Variants in MYO5B observed in about 807,000 individuals in gnomAD.
MYO5B encodes the protein myosin VB.
In MYO5B, 143 loss-of-function variants were observed where a neutral mutation model predicts 229.3. The observed-to-expected ratio is 0.62, with a 90% confidence interval of 0.54 to 0.72. The LOEUF is 0.72. Ranked by LOEUF, MYO5B falls within the 30% of genes least tolerant of loss-of-function variation. The pLI, the probability that MYO5B is intolerant of heterozygous loss-of-function variation, is 0.00. For missense variants in MYO5B, 2,321 were observed against 2,331.0 expected, an observed-to-expected ratio of 1.00 and a Z score of 0.09; for synonymous variants, 918 against 885.2, an observed-to-expected ratio of 1.04 and a Z score of -0.66.
At chr18:49,853,172 G>A (rs1335501327) in intron 31 of MYO5B, among the ~76,000 whole-genome samples, 2 of 152,228 alleles carry the variant, frequency 1.3e-5, no homozygotes, top group African/African-American at 4.8e-5. Context: ...CCTCTTGGAA[G>A]CCAGCAGCCA....
At chr18:50,154,934 G>C (rs909585781) in intron 1 of MYO5B, among the ~76,000 whole-genome samples, 1 of 152,162 alleles carries the variant, frequency 6.6e-6, no homozygotes, top group Non-Finnish European at 1.5e-5. Context: ...ACTCAAAAAA[G>C]TCTGTTTGCC....
intron 4 of MYO5B, among the ~76,000 whole-genome samples, chr18:50,024,801 A>T (rs1200228600): frequency 6.6e-6 from 1 of 152,184 alleles, no homozygotes; most frequent in Non-Finnish European, 1.5e-5. Context: ...CTTCCCGAGT[A>T]TCTGCTGTGG....
intron 22 of MYO5B, among the ~76,000 whole-genome samples, chr18:49,883,281 T>G (rs1598855250): frequency 6.6e-6 from 1 of 152,310 alleles, no homozygotes; most frequent in Admixed American, 6.5e-5. Context: ...TAAAAACTAT[T>G]AGAATAAATG....
intron 1 of MYO5B, among the ~76,000 whole-genome samples, chr18:50,132,728 G>A (rs1208724852): frequency 1.3e-5 from 2 of 152,190 alleles, no homozygotes; most frequent in Non-Finnish European, 2.9e-5. Context: ...GAGAAAATTC[G>A]CATGGGTTGA....
chr18:50,021,368 A>G (rs1246507214), intron 4 of MYO5B, among the ~76,000 whole-genome samples: 5 of 152,136 alleles, frequency 3.3e-5, no homozygotes, highest in Non-Finnish European at 4.4e-5. Context: ...GAGGCGGGAG[A>G]ACCAGGTTCC....
intron 39 of MYO5B, among the ~76,000 whole-genome samples, chr18:49,826,919 G>A (rs1483096793): frequency 6.6e-6 from 1 of 151,618 alleles, no homozygotes; most frequent in Non-Finnish European, 1.5e-5. Context: ...ACCATATGGA[G>A]AGGCACTATA....
At chr18:50,007,573 C>T (rs1458947426) in intron 4 of MYO5B, among the ~76,000 whole-genome samples, 1 of 152,184 alleles carries the variant, frequency 6.6e-6, no homozygotes, top group African/African-American at 2.4e-5. Context: ...CCCTGGGGGA[C>T]CGAGCACCTC....
At chr18:49,990,066 G>A (rs969164404) in intron 7 of MYO5B, among the ~76,000 whole-genome samples, 1 of 152,120 alleles carries the variant, frequency 6.6e-6, no homozygotes, top group Non-Finnish European at 1.5e-5. Context: ...AAAACATGCT[G>A]GTTATGATTA....
At chr18:49,946,734 C>A (rs3132916) in intron 14 of MYO5B, among the ~76,000 whole-genome samples, 39,372 of 152,264 alleles carry the variant, frequency 0.26, 5,645 homozygotes, top group Middle Eastern at 0.37. Context: ...CTAGGTTTTC[C>A]TTTAAGTTCC....
intron 1 of MYO5B, among the ~76,000 whole-genome samples, chr18:50,079,522 G>A (rs537915487): frequency 1.1e-4 from 17 of 152,284 alleles, no homozygotes; most frequent in African/African-American, 3.6e-4. Context: ...CTCCCCCCTT[G>A]AGGCAGAGCC....
At chr18:49,939,574 G>A (rs778817909) in intron 14 of MYO5B, among the ~76,000 whole-genome samples, 1 of 152,176 alleles carries the variant, frequency 6.6e-6, no homozygotes, top group African/African-American at 2.4e-5. Context: ...CATGTGGCAG[G>A]TGAGGATGTA....
intron 1 of MYO5B, among the ~76,000 whole-genome samples, chr18:50,101,646 A>G (rs1488379229): frequency 6.6e-6 from 1 of 152,226 alleles, no homozygotes; most frequent in Non-Finnish European, 1.5e-5. Flanking sequence ...AAAAAGGCTC[A>G]ACATCACGGA....
At chr18:50,035,446 T>C (rs1211121454) in intron 4 of MYO5B, among the ~76,000 whole-genome samples, 2 of 151,744 alleles carry the variant, frequency 1.3e-5, no homozygotes, top group Non-Finnish European at 2.9e-5. Context: ...TCACATGAAG[T>C]GCATGTAGAC....
chr18:49,837,476 G>A (rs2024001466), intron 37 of MYO5B, 41 bp downstream of exon 37: 1 of 1,610,102 alleles, frequency 6.2e-7, no homozygotes, highest in Non-Finnish European at 8.5e-7. Flanking sequence ...GTCAGTGAGG[G>A]CCCACTCTAT....
intron 17 of MYO5B, among the ~76,000 whole-genome samples, chr18:49,926,968 C>T (rs72644904): frequency 0.12 from 18,534 of 152,072 alleles, 1,372 homozygotes; most frequent in East Asian, 0.27. Flanking sequence ...CCTGGGATCA[C>T]CAGATTTACA....
chr18:49,965,485 C>CACACACACA (rs1265061476), intron 10 of MYO5B, among the ~76,000 whole-genome samples: 1 of 72,594 alleles, frequency 1.4e-5, no homozygotes, highest in East Asian at 4.8e-4. Context: ...ACACACACAC[C>CACACACACA]TCTTCTCATT....
At chr18:49,906,381 C>G (rs1438584227) in intron 19 of MYO5B, 38 bp downstream of exon 19, 2 of 1,597,932 alleles carry the variant, frequency 1.3e-6, no homozygotes, top group Non-Finnish European at 1.7e-6. Context: ...TCTTCCCCAC[C>G]ATGATCTGCT....
At chr18:49,940,057 A>C (rs1223285832) in intron 14 of MYO5B, among the ~76,000 whole-genome samples, 1 of 152,190 alleles carries the variant, frequency 6.6e-6, no homozygotes, top group Non-Finnish European at 1.5e-5. Flanking sequence ...GTTCCAGCCT[A>C]GTGGAGTATT....
chr18:50,054,920 C>A (rs1277411321), intron 2 of MYO5B, among the ~76,000 whole-genome samples: 1 of 152,184 alleles, frequency 6.6e-6, no homozygotes, highest in Non-Finnish European at 1.5e-5. Context: ...CTGGCTCCAA[C>A]CACTGTGCCC....
Sources: gnomAD v4.1 joint callset for allele counts (sites outside exome capture counted in the v4.1 genomes callset) on GRCh38, gnomAD v4.1.1 for gene constraint, MANE v1.5 for transcripts, NCBI Gene and HGNC (gene_info 2026-07-23, HGNC 2026-07-21) for gene names.